Variants in SNX29 observed in about 807,000 individuals in gnomAD.
The protein encoded by SNX29 is sorting nexin 29.
In SNX29, 78 loss-of-function variants were observed where a neutral mutation model predicts 102.1. That is an observed-to-expected ratio of 0.76 (90% CI 0.64 to 0.92). The LOEUF is 0.92. SNX29 is among the 40% of genes least tolerant of loss of function. The pLI is 0.00. For synonymous variants in SNX29, 580 were observed against 414.5 expected (o/e 1.40, Z -4.85); for missense variants, 1,280 against 1,061.7 (o/e 1.21, Z -2.86).
At chr16:12,377,265 G>A (rs2082909635) in intron 16 of SNX29, among the ~76,000 whole-genome samples, 1 of 152,162 alleles carries the variant, frequency 6.6e-6, no homozygotes. Flanking sequence ...GTAATGTCCT[G>A]AACAGAAAAC....
chr16:12,456,305 C>T (rs566839621), intron 18 of SNX29, among the ~76,000 whole-genome samples: 53 of 152,300 alleles, frequency 3.5e-4, no homozygotes, highest in African/African-American at 1.2e-3. Context: ...TCAGCAGCTG[C>T]GATTGCCTGC....
intron 15 of SNX29, among the ~76,000 whole-genome samples, chr16:12,319,139 A>T (rs2080847696): frequency 6.6e-6 from 1 of 152,192 alleles, no homozygotes; most frequent in African/African-American, 2.4e-5. Context: ...GGCTTTTGTT[A>T]CATTCCAGCC....
intron 15 of SNX29, among the ~76,000 whole-genome samples, chr16:12,324,654 C>G (rs2081062384): frequency 1.3e-5 from 2 of 152,062 alleles, no homozygotes; most frequent in African/African-American, 4.8e-5. Context: ...AATTGATCCC[C>G]TTCCCCTCTC....
intron 18 of SNX29, among the ~76,000 whole-genome samples, chr16:12,464,088 G>A (rs567818193): frequency 8.6e-5 from 13 of 151,144 alleles, no homozygotes; most frequent in Middle Eastern, 3.4e-3. Context: ...CTTCACTCAC[G>A]TCCGCCTGTA....
chr16:12,178,708 G>T (rs139761323), intron 13 of SNX29, among the ~76,000 whole-genome samples: 1 of 152,196 alleles, frequency 6.6e-6, no homozygotes, highest in South Asian at 2.1e-4. Context: ...AGTGGTGGTC[G>T]CCTGTCTTCA....
At chr16:12,476,305 C>G (rs1468448053) in intron 18 of SNX29, among the ~76,000 whole-genome samples, 1 of 119,506 alleles carries the variant, frequency 8.4e-6, no homozygotes, top group East Asian at 2.8e-4. Flanking sequence ...CAGAGTGAGA[C>G]TTCGTCTCAA....
chr16:12,272,791 C>G (rs1348390000), intron 14 of SNX29, among the ~76,000 whole-genome samples: 1 of 152,186 alleles, frequency 6.6e-6, no homozygotes, highest in Non-Finnish European at 1.5e-5. Flanking sequence ...TCCACTCATG[C>G]TTTGGGTTGT....
Position 12,290,986 on chromosome 16 carries a change from A to T in SNX29, c.1782+12950A>T, listed in dbSNP as rs139282812. Among the ~76,000 whole-genome samples the T allele has an allele frequency of 7.4e-3, 1,130 of 152,278 alleles. 16 individuals carry two copies. Among genetic ancestry groups the T allele is most frequent in the African/African-American group, 0.026 (1,065 of 41,528 alleles). On this transcript the variant is annotated intron_variant, in intron 15 of 20. Coordinates refer to ENST00000566228, the MANE Select transcript of SNX29 (RefSeq NM_032167.5). ...TAAGAGCAAGAATTGAATGGTATCT[A>T]TTCAGCTTGTTATTTACCACTGAGT...
At chr16:12,002,126 T>C (rs1272625175) in intron 2 of SNX29, among the ~76,000 whole-genome samples, 2 of 152,054 alleles carry the variant, frequency 1.3e-5, no homozygotes, top group Non-Finnish European at 2.9e-5. Context: ...GTTTATGTTA[T>C]CTATATTTTA....
chr16:12,540,394 A>T (rs1011821162), intron 20 of SNX29, among the ~76,000 whole-genome samples: 3 of 152,192 alleles, frequency 2.0e-5, no homozygotes, highest in African/African-American at 7.2e-5. Context: ...AATTGGCACA[A>T]AGTTAGTGGC....
At chr16:12,313,366 A>G (rs2080627037) in intron 15 of SNX29, among the ~76,000 whole-genome samples, 1 of 152,034 alleles carries the variant, frequency 6.6e-6, no homozygotes, top group Non-Finnish European at 1.5e-5. Context: ...TGAAGTAAGG[A>G]TAATTATGCC....
intron 20 of SNX29, among the ~76,000 whole-genome samples, chr16:12,563,497 C>T (rs62028255): frequency 0.2 from 30,385 of 152,156 alleles, 3,965 homozygotes; most frequent in Non-Finnish European, 0.29. Flanking sequence ...GCTATTAAAA[C>T]GGGGAGACTC....
intron 15 of SNX29, among the ~76,000 whole-genome samples, chr16:12,318,846 G>A (rs993480568): frequency 1.3e-5 from 2 of 152,128 alleles, no homozygotes; most frequent in African/African-American, 4.8e-5. Flanking sequence ...AGAGACCTAA[G>A]TGATCAGCTT....
intron 20 of SNX29, among the ~76,000 whole-genome samples, chr16:12,558,767 C>T (rs563625015): frequency 6.6e-6 from 1 of 152,364 alleles, no homozygotes; most frequent in South Asian, 2.1e-4. Flanking sequence ...GGGTGATCAT[C>T]CCGCATTGTA....
intron 3 of SNX29, among the ~76,000 whole-genome samples, chr16:12,010,416 GT>G (rs1377833201): frequency 6.6e-6 from 1 of 152,168 alleles, no homozygotes; most frequent in East Asian, 1.9e-4. Flanking sequence ...GATCCCAGGA[GT>G]TCGAGACCAG....
intron 20 of SNX29, among the ~76,000 whole-genome samples, chr16:12,528,039 A>G (rs1040394246): frequency 6.6e-6 from 1 of 150,812 alleles, no homozygotes; most frequent in Non-Finnish European, 1.5e-5. Flanking sequence ...GTTAGCCAGG[A>G]TGGTCTCGAT....
chr16:12,448,699 A>G (rs950205484), intron 18 of SNX29, among the ~76,000 whole-genome samples: 5 of 152,120 alleles, frequency 3.3e-5, no homozygotes, highest in African/African-American at 1.2e-4. Flanking sequence ...TAATTATGGG[A>G]GTGGCTGCCC....
chr16:12,340,738 C>G (rs930154853), intron 15 of SNX29, among the ~76,000 whole-genome samples: 1 of 152,174 alleles, frequency 6.6e-6, no homozygotes, highest in Non-Finnish European at 1.5e-5. Flanking sequence ...GCAAACATCT[C>G]TAAGAGTCTG....
At chr16:12,453,971 T>G (rs930884667) in intron 18 of SNX29, among the ~76,000 whole-genome samples, 1 of 152,150 alleles carries the variant, frequency 6.6e-6, no homozygotes, top group Non-Finnish European at 1.5e-5. Context: ...GTTGTTTTTT[T>G]CCTTATCTCT....
Sources: gnomAD v4.1 joint callset for allele counts (sites outside exome capture counted in the v4.1 genomes callset) on GRCh38, gnomAD v4.1.1 for gene constraint, MANE v1.5 for transcripts, NCBI Gene and HGNC (gene_info 2026-07-23, HGNC 2026-07-21) for gene names.